Variants in NNMT observed in about 807,000 individuals in gnomAD.
The protein encoded by NNMT is nicotinamide N-methyltransferase.
Under a neutral mutation model 11.7 loss-of-function variants are expected in NNMT, and 10 were observed. The ratio of observed to expected loss-of-function variants is 0.85; its 90% confidence interval spans 0.53 to 1.45. The LOEUF (loss-of-function observed/expected upper bound fraction) is 1.45, where lower values mean the gene tolerates loss of function less well. Ranked by LOEUF, NNMT falls within the 40% of genes most tolerant of loss-of-function variation. The pLI, the probability that NNMT is intolerant of heterozygous loss-of-function variation, is 0.00. For missense variants in NNMT, 381 were observed against 319.4 expected (o/e 1.19, Z -1.47); for synonymous variants, 143 against 133.8 (o/e 1.07, Z -0.48).
intron 2 of NNMT, among the ~76,000 whole-genome samples, chr11:114,308,781 G>A (rs1186096012): frequency 6.6e-6 from 1 of 152,154 alleles, no homozygotes; most frequent in Non-Finnish European, 1.5e-5. Context: ...CGAGGTGTAT[G>A]CAGGCTTTAC....
At chr11:114,258,308 T>G (rs1237058047) in intron 1 of NNMT, among the ~76,000 whole-genome samples, 1 of 152,260 alleles carries the variant, frequency 6.6e-6, no homozygotes, top group African/African-American at 2.4e-5. Context: ...TTGGGTCATT[T>G]CAGCCTTAGC....
At chr11:114,307,801 A>T (rs1295064333) in intron 2 of NNMT, among the ~76,000 whole-genome samples, 1 of 151,712 alleles carries the variant, frequency 6.6e-6, no homozygotes, top group East Asian at 2.0e-4. Context: ...TGCTTGCTTC[A>T]GTCTGGTTAA....
At chr11:114,302,425 T>G (rs1945447431) in intron 2 of NNMT, among the ~76,000 whole-genome samples, 1 of 152,192 alleles carries the variant, frequency 6.6e-6, no homozygotes, top group African/African-American at 2.4e-5. Flanking sequence ...ATGAAGGATG[T>G]AAGATATTCC....
At chr11:114,308,312 C>T (rs933966575) in intron 2 of NNMT, among the ~76,000 whole-genome samples, 2 of 152,092 alleles carry the variant, frequency 1.3e-5, no homozygotes, top group African/African-American at 4.8e-5. Flanking sequence ...TCAGGAGAGC[C>T]TGCAGGAACT....
At chr11:114,306,688 G>A (rs1054608460) in intron 2 of NNMT, among the ~76,000 whole-genome samples, 2 of 152,112 alleles carry the variant, frequency 1.3e-5, no homozygotes, top group Admixed American at 1.3e-4. Context: ...TGAGGGCTCT[G>A]TTCTGTTCCA....
At chr11:114,302,962 A>G (rs542407145) in intron 2 of NNMT, among the ~76,000 whole-genome samples, 2 of 152,356 alleles carry the variant, frequency 1.3e-5, no homozygotes, top group African/African-American at 4.8e-5. Flanking sequence ...GACCCTGACC[A>G]GGCTGGCATC....
intron 2 of NNMT, among the ~76,000 whole-genome samples, chr11:114,267,100 A>G (rs994292666): frequency 2.0e-5 from 3 of 152,074 alleles, no homozygotes; most frequent in African/African-American, 7.2e-5. Context: ...CCCCATCTCT[A>G]CTAAAAACAC....
At chr11:114,309,752 A>G (rs1206370875) in intron 2 of NNMT, among the ~76,000 whole-genome samples, 1 of 152,226 alleles carries the variant, frequency 6.6e-6, no homozygotes, top group Non-Finnish European at 1.5e-5. Flanking sequence ...CTCAAAAGAA[A>G]TCCTGTACCC....
At chr11:114,271,593 G>T (rs1485448220) in intron 2 of NNMT, among the ~76,000 whole-genome samples, 2 of 152,168 alleles carry the variant, frequency 1.3e-5, no homozygotes, top group Non-Finnish European at 2.9e-5. Context: ...CTCAAGCCAA[G>T]CATGCTCCAA....
chr11:114,270,426 G>A (rs1945160915), intron 2 of NNMT: 2 of 152,196 alleles, frequency 1.3e-5, no homozygotes, highest in Non-Finnish European at 2.9e-5. Flanking sequence ...CAGAAGCAAT[G>A]CTTTGATGGT....
At chr11:114,292,168 A>C (rs531515468), upstream of NNMT, among the ~76,000 whole-genome samples, 6 of 152,306 alleles carry the variant, frequency 3.9e-5, no homozygotes, top group African/African-American at 1.4e-4. Context: ...TCAATTACAT[A>C]TAACATTCTG....
At chr11:114,274,333 C>T (rs1212670360) in intron 2 of NNMT, among the ~76,000 whole-genome samples, 1 of 152,238 alleles carries the variant, frequency 6.6e-6, no homozygotes, top group African/African-American at 2.4e-5. Flanking sequence ...CTGAGGCCAC[C>T]ATTATCAGCT....
intron 2 of NNMT, among the ~76,000 whole-genome samples, chr11:114,284,703 ATG>A (rs1945284429): frequency 1.4e-5 from 2 of 145,850 alleles, no homozygotes; most frequent in Admixed American, 6.9e-5. Flanking sequence ...ACCTTGTGAT[ATG>A]CCCACCTTGG....
At chr11:114,301,044 C>A (rs1308138518) in intron 2 of NNMT, among the ~76,000 whole-genome samples, 2 of 152,186 alleles carry the variant, frequency 1.3e-5, no homozygotes, top group Non-Finnish European at 1.5e-5. Context: ...AAAAGGACTA[C>A]AGCACCACTA....
chr11:114,273,364 C>T (rs1248838575), intron 2 of NNMT, among the ~76,000 whole-genome samples: 1 of 152,150 alleles, frequency 6.6e-6, no homozygotes, highest in Non-Finnish European at 1.5e-5. Context: ...CTGCCTTGTT[C>T]ATTTTGGAAG....
chr11:114,307,176 T>C (rs1341658154), intron 2 of NNMT, among the ~76,000 whole-genome samples: 1 of 152,188 alleles, frequency 6.6e-6, no homozygotes, highest in East Asian at 1.9e-4. Flanking sequence ...TTCAACTAGC[T>C]ATTTCCTCAA....
chr11:114,260,910 A>G (rs1190675937), intron 1 of NNMT, among the ~76,000 whole-genome samples: 4 of 152,294 alleles, frequency 2.6e-5, no homozygotes, highest in Admixed American at 1.3e-4. Context: ...CCTTCACTGT[A>G]TCTCAAAGGC....
At chr11:114,276,397 G>A (rs1945213832) in intron 2 of NNMT, among the ~76,000 whole-genome samples, 1 of 152,198 alleles carries the variant, frequency 6.6e-6, no homozygotes, top group African/African-American at 2.4e-5. Context: ...AGGGACTGAT[G>A]CAGCAGACTT....
chr11:114,300,369 G>A (rs1013094448), intron 2 of NNMT, among the ~76,000 whole-genome samples: 9 of 152,016 alleles, frequency 5.9e-5, no homozygotes, highest in Admixed American at 2.6e-4. Context: ...GATTTTTCTA[G>A]CTATCTTATT....
Sources: gnomAD v4.1 joint callset for allele counts (sites outside exome capture counted in the v4.1 genomes callset) on GRCh38, gnomAD v4.1.1 for gene constraint, MANE v1.5 for transcripts, NCBI Gene and HGNC (gene_info 2026-07-23, HGNC 2026-07-21) for gene names.